METTL3: variants seen among roughly 807,000 people sequenced by gnomAD.
The protein encoded by METTL3 is N(6)-adenosine-methyltransferase catalytic subunit METTL3.
Under a neutral mutation model 64.3 loss-of-function variants are expected in METTL3, and 42 were observed. That is an observed-to-expected ratio of 0.65 (90% CI 0.51 to 0.84). The LOEUF (loss-of-function observed/expected upper bound fraction) is 0.84. Ranked by LOEUF, METTL3 falls within the 40% of genes least tolerant of loss-of-function variation. The pLI is 0.00. For synonymous variants in METTL3, 256 were observed against 263.6 expected, an observed-to-expected ratio of 0.97 and a Z score of 0.28; for missense variants, 435 against 722.3, an observed-to-expected ratio of 0.60 and a Z score of 4.56.
chr14:21,502,994 C>A (rs4982451), intron 3 of METTL3, 179 bp downstream of exon 3: 7 of 671,664 alleles, frequency 1.0e-5, no homozygotes, highest in Admixed American at 2.9e-5. Context: ...AGCACTCCCC[C>A]ATGTGTGACA....
At chr14:21,505,120 T>C (rs1891666474) in intron 1 of METTL3, among the ~76,000 whole-genome samples, 1 of 152,062 alleles carries the variant, frequency 6.6e-6, no homozygotes, top group Non-Finnish European at 1.5e-5. Context: ...CAGGGGAACA[T>C]GGTGAAACCC....
intron 1 of METTL3, among the ~76,000 whole-genome samples, chr14:21,505,649 G>T (rs888814831): frequency 6.6e-6 from 1 of 152,134 alleles, no homozygotes; most frequent in Non-Finnish European, 1.5e-5. Flanking sequence ...GCAAAGTTTT[G>T]TATGTATACA....
At chr14:21,510,307 C>T (rs1199138997) in intron 1 of METTL3, among the ~76,000 whole-genome samples, 1 of 152,134 alleles carries the variant, frequency 6.6e-6, no homozygotes, top group Non-Finnish European at 1.5e-5. Context: ...AGAATACGAG[C>T]ACATGAACCT....
chr14:21,503,726 G>C lies in METTL3; in HGVS notation c.256C>G (p.Leu86Val). The change falls in exon 2 of 11, where the codon CTC becomes GTC. Residue 86 changes from leucine to valine, a missense_variant. Transcript: ENST00000298717. ...GGCAATGTTAAGGCCAGATCAGAGAGGTGGTGTAGCAACTTCTTCTCTAAC... is the reference window on the plus strand; with the variant it reads ...GGCAATGTTAAGGCCAGATCAGAGACGTGGTGTAGCAACTTCTTCTCTAAC... ...PELEKKLLHHLSDLALTLPTD... is the reference protein window; with the variant it reads ...PELEKKLLHHVSDLALTLPTD... 1 of 1,614,250 alleles carries C rather than the reference G, an allele frequency of 6.2e-7. No homozygotes were observed. The highest frequency in any genetic ancestry group is 8.5e-7 in the Non-Finnish European group (1 of 1,180,040).
At chr14:21,503,151 A>G (rs560271545) in intron 3 of METTL3, 22 bp downstream of exon 3, 3 of 1,585,912 alleles carry the variant, frequency 1.9e-6, no homozygotes, top group East Asian at 4.5e-5. Context: ...ATATTGTGAG[A>G]GTATTTTCAC....
At chr14:21,500,833 C>T in intron 5 of METTL3, 80 bp downstream of exon 5, 1 of 1,462,000 alleles carries the variant, frequency 6.8e-7, no homozygotes, top group South Asian at 1.3e-5. Flanking sequence ...CTGAATTATG[C>T]TCTGCTTTCT....
At position 21,508,545 on chromosome 14, in the gene METTL3, C is replaced by G. The variant is rs1021970331; in HGVS notation, c.100+2579G>C. On this transcript the variant is annotated intron_variant, in intron 1 of 10. Transcript: ENST00000298717. Reference sequence around the variant, plus strand: ...AAAATGAAATGAAACTTAAAATGACCAAGAGCAATTAGAATCATTCATTGA... The same window carrying G: ...AAAATGAAATGAAACTTAAAATGACGAAGAGCAATTAGAATCATTCATTGA... 2.0e-5 allele frequency among the ~76,000 whole-genome samples: 3 copies of G among 151,952 alleles called. No individual in the cohort carries two copies. The East Asian group carries it at 5.8e-4, about 29-fold the overall frequency.
intron 1 of METTL3, 41 bp downstream of exon 1, chr14:21,511,083 C>T (rs1004555495): frequency 2.7e-5 from 43 of 1,605,214 alleles, no homozygotes; most frequent in Non-Finnish European, 3.6e-5. Context: ...CCCGCCCGTC[C>T]TCCCCGGTTG....
At position 21,503,200 on chromosome 14, in the gene METTL3, C is replaced by T. The variant is rs1289929590; in HGVS notation, c.696G>A (p.Gln232=). ...TCTTGCTCTGTTGTTCCTTAGTGGA[C>T]TGTTGGTTCAGAAGGCTCTCTATCT... is the stretch of plus-strand genomic sequence containing the variant. ...DLEIESLLNQ[Q]STKEQQSKKV... is the part of the protein sequence containing the mutation. Residue 232 remains glutamine (Q), a synonymous_variant, in exon 3 of 11, where the codon CAG becomes CAA. Transcript: ENST00000298717. 1 of 1,613,142 alleles carries T rather than the reference C, an allele frequency of 6.2e-7. No homozygotes were observed. Among genetic ancestry groups the T allele is most frequent in the African/African-American group, 1.3e-5 (1 of 74,896 alleles).
intron 1 of METTL3, among the ~76,000 whole-genome samples, chr14:21,505,785 G>A (rs904634999): frequency 6.6e-6 from 1 of 152,144 alleles, no homozygotes; most frequent in African/African-American, 2.4e-5. Flanking sequence ...TTTACTCAAT[G>A]CCTCCGCTCT....
In METTL3 at chr14:21,498,799, A is replaced by T. The variant is rs1891478313; in HGVS notation, c.1631+226T>A. ...AGGAAGATCCTTGGGTTGTGAAGAGAGTAGAAACCCTAGGGAGCAGTGCTT... is the reference window on the plus strand; with the variant it reads ...AGGAAGATCCTTGGGTTGTGAAGAGTGTAGAAACCCTAGGGAGCAGTGCTT... On this transcript the variant is annotated intron_variant, in intron 10 of 10. Transcript: ENST00000298717. The T allele has an allele frequency of 1.3e-5, 7 of 531,162 alleles. No homozygotes were observed. The South Asian group carries it at 1.7e-4, about 13-fold the overall frequency. 32.9% of individuals were successfully genotyped at this position (531,162 alleles called of 1,614,324 possible).
chr14:21,510,113 TATC>T (rs886533281), intron 1 of METTL3, among the ~76,000 whole-genome samples: 4 of 152,248 alleles, frequency 2.6e-5, no homozygotes, highest in African/African-American at 9.6e-5. Context: ...ACATATATCT[TATC>T]ATATTCCTCA....
intron 4 of METTL3, chr14:21,501,488 T>G (rs1247475443): frequency 3.4e-6 from 2 of 581,598 alleles, no homozygotes; most frequent in African/African-American, 3.7e-5. Context: ...GAGACAGACA[T>G]ACTTTGCTAT....
At position 21,501,906 on chromosome 14, in the gene METTL3, G is replaced by A; in HGVS notation, c.724-3C>T. ...AGCTCTAGGATCTCCTGACTGACCT[G>A]TGACAGAAGTAGCCTTGGACTTAAA... On this transcript the variant is annotated splice_region_variant and splice_polypyrimidine_tract_variant and intron_variant, in intron 3 of 10. Transcript: ENST00000298717. The A allele has an allele frequency of 1.2e-6, 2 of 1,613,670 alleles. No individual in the cohort carries two copies. Among genetic ancestry groups the A allele is most frequent in the Non-Finnish European group, 1.7e-6 (2 of 1,179,750 alleles).
Position 21,511,161 on chromosome 14 carries a change from C to T in METTL3, c.63G>A (p.Arg21=). ...HKKQLDSLRE[R]LQRRRKQDSG... ...AGTCCTGCTTCCGCCTCCGCTGCAG[C>T]CTCTCCCGCAGAGAGTCCAGCTGCT... Residue 21 remains arginine (R), a synonymous_variant, in exon 1 of 11, where the codon AGG becomes AGA. Coordinates refer to ENST00000298717, the MANE Select transcript of METTL3 (RefSeq NM_019852.5). 5 of 1,614,130 alleles carry T rather than the reference C, an allele frequency of 3.1e-6. No individual in the cohort carries two copies. The South Asian group carries it at 5.5e-5, about 18-fold the overall frequency.
In METTL3 at chr14:21,503,291, G is replaced by A. The variant is rs1345724945; in HGVS notation, c.605C>T (p.Ala202Val). ...GGCTGGCTCCTTTGCTGGTTCCGATGCTGAAGAGTTCAGACCAGAGACTAA... is the reference window on the plus strand; with the variant it reads ...GGCTGGCTCCTTTGCTGGTTCCGATACTGAAGAGTTCAGACCAGAGACTAA... ...SSLVSGLNSS[A>V]SEPAKEPAKK... is the part of the protein sequence containing the mutation. Residue 202 changes from alanine (A) to valine (V), a missense_variant, in exon 3 of 11, where the codon GCA (alanine) becomes GTA (valine). Ala to Val is a moderately conservative substitution (Grantham distance 64, BLOSUM62 0). Coordinates refer to ENST00000298717, the MANE Select transcript of METTL3 (RefSeq NM_019852.5). 1.2e-6 allele frequency: 2 copies of A among 1,614,190 alleles called. No individual in the cohort carries two copies. Among genetic ancestry groups the A allele is most frequent in the Non-Finnish European group, 1.7e-6 (2 of 1,180,032 alleles).
chr14:21,501,660 A>G (rs1280275255), intron 4 of METTL3, 68 bp downstream of exon 4: 1 of 1,595,738 alleles, frequency 6.3e-7, no homozygotes, highest in Admixed American at 1.7e-5. Flanking sequence ...CAATGACTGG[A>G]AGGAATATGC....
intron 10 of METTL3, chr14:21,498,572 T>TAATAA (rs1891470329): frequency 1.7e-6 from 1 of 595,116 alleles, no homozygotes; most frequent in East Asian, 2.8e-5. Flanking sequence ...AGACTGGATC[T>TAATAA]GTATTATCTG....
intron 1 of METTL3, chr14:21,507,875 T>C (rs571437315): frequency 6.6e-6 from 1 of 152,334 alleles, no homozygotes; most frequent in African/African-American, 2.4e-5. Context: ...GTTTCATCTT[T>C]ACCTATTACC....
Sources: allele counts gnomAD v4.1 joint callset (sites outside exome capture counted in the v4.1 genomes callset), GRCh38; gene constraint gnomAD v4.1.1; transcripts MANE v1.5; gene names NCBI Gene and HGNC (gene_info 2026-07-23, HGNC 2026-07-21).